The following ST8SIA4 variants were observed in gnomAD, a reference collection of about 807,000 sequenced individuals.
ST8SIA4 encodes CMP-N-acetylneuraminate-poly-alpha-2,8-sialyltransferase.
A neutral mutation model predicts 33.9 loss-of-function variants in ST8SIA4; 15 were observed. The observed-to-expected ratio is 0.44, with a 90% confidence interval of 0.30 to 0.68. ST8SIA4 has a LOEUF of 0.68. ST8SIA4 is among the 30% of genes least tolerant of loss of function. The probability of loss-of-function intolerance (pLI) is 0.10; values close to 1 mark genes in which losing one functional copy is unlikely to be tolerated. For missense variants in ST8SIA4, 321 were observed against 428.0 expected (o/e 0.75, Z 2.21); for synonymous variants, 171 against 151.2 (o/e 1.13, Z -0.96).
At chr5:100,895,959 A>C (rs1752771181) in intron 1 of ST8SIA4, among the ~76,000 whole-genome samples, 174 bp from the exon 2 acceptor site, 1 of 152,088 alleles carries the variant, frequency 6.6e-6, no homozygotes, top group Non-Finnish European at 1.5e-5. Context: ...AGTGAATATG[A>C]CTATCAGGAC....
chr5:100,853,985 A>ATGTGTGTGTG (rs55821438), intron 4 of ST8SIA4, among the ~76,000 whole-genome samples: 1,401 of 76,956 alleles, frequency 0.018, 9 homozygotes, highest in Non-Finnish European at 0.025. Context: ...GTGTGTGTGT[A>ATGTGTGTGTG]TGTGTGTGTG....
At chr5:100,831,681 T>A (rs763319915) in intron 4 of ST8SIA4, among the ~76,000 whole-genome samples, 1 of 152,194 alleles carries the variant, frequency 6.6e-6, no homozygotes, top group Non-Finnish European at 1.5e-5. Flanking sequence ...TTTTCTTTCA[T>A]TCTCCACTAT....
chr5:100,849,353 C>T (rs1363776993), intron 4 of ST8SIA4: 9 of 985,236 alleles, frequency 9.1e-6, no homozygotes, highest in Non-Finnish European at 1.1e-5. Context: ...TTTTCGTCTT[C>T]CTTGGAAATC....
intron 3 of ST8SIA4, chr5:100,885,580 T>C: frequency 1.1e-6 from 1 of 930,742 alleles, no homozygotes; most frequent in Middle Eastern, 5.6e-4. Flanking sequence ...ATATCCATGT[T>C]TCTGTCATTT....
intron 4 of ST8SIA4, among the ~76,000 whole-genome samples, chr5:100,848,230 AT>A (rs1290040201): frequency 6.6e-6 from 1 of 151,826 alleles, no homozygotes; most frequent in Non-Finnish European, 1.5e-5. Flanking sequence ...CCACAGTTGA[AT>A]AAGATTCAGT....
chr5:100,874,514 CCT>C (rs1752263958), intron 3 of ST8SIA4, among the ~76,000 whole-genome samples: 1 of 151,620 alleles, frequency 6.6e-6, no homozygotes. Context: ...TGTGCCTTTT[CCT>C]CTCTCTCCCT....
intron 4 of ST8SIA4, among the ~76,000 whole-genome samples, chr5:100,855,388 A>G (rs1751792361): frequency 6.6e-6 from 1 of 152,178 alleles, no homozygotes. Context: ...TTTTAAAGGT[A>G]GTGATCAGCT....
At chr5:100,894,221 G>C (rs979936774) in intron 2 of ST8SIA4, among the ~76,000 whole-genome samples, 2 of 152,110 alleles carry the variant, frequency 1.3e-5, no homozygotes, top group African/African-American at 4.8e-5. Context: ...TACAGATTCA[G>C]AGTTGTCAAA....
intron 2 of ST8SIA4, among the ~76,000 whole-genome samples, chr5:100,894,522 C>G (rs1042621016): frequency 4.6e-5 from 7 of 152,044 alleles, no homozygotes; most frequent in African/African-American, 1.7e-4. Context: ...CCTTCCCAGT[C>G]AATTTCAAAC....
In ST8SIA4 at chr5:100,846,430, T is replaced by C. The variant is rs563582541; in HGVS notation, c.797+9673A>G. On this transcript the variant is annotated intron_variant, in intron 4 of 4. Transcript: ENST00000231461. ...TTAGTTATAGAGATGAATAAGTCAA[T>C]CTTTGCTATGAAAAAATTTAAAATA... 5.3e-5 allele frequency among the ~76,000 whole-genome samples: 8 copies of C among 152,034 alleles called. 1 individual carries two copies. Among genetic ancestry groups the C allele is most frequent in the African/African-American group, 1.9e-4 (8 of 41,538 alleles).
chr5:100,883,414 G>T (rs1752470779), intron 3 of ST8SIA4, among the ~76,000 whole-genome samples: 2 of 152,174 alleles, frequency 1.3e-5, no homozygotes, highest in Non-Finnish European at 2.9e-5. Flanking sequence ...TGATTTTACA[G>T]GCTCATAGGC....
chr5:100,845,845 C>A (rs971347209), intron 4 of ST8SIA4, among the ~76,000 whole-genome samples: 6 of 151,806 alleles, frequency 4.0e-5, no homozygotes, highest in Non-Finnish European at 7.4e-5. Context: ...AGATAACACC[C>A]AAGAGAAAAC....
chr5:100,890,711 T>C (rs750828725), intron 2 of ST8SIA4: 1 of 151,934 alleles, frequency 6.6e-6, no homozygotes, highest in Non-Finnish European at 1.5e-5. Context: ...GTGATCCTAA[T>C]TCAACTTTTG....
chr5:100,814,817 G>A (rs925180837), intron 4 of ST8SIA4, among the ~76,000 whole-genome samples: 2 of 151,874 alleles, frequency 1.3e-5, no homozygotes, highest in African/African-American at 4.8e-5. Flanking sequence ...TTTTAATTCT[G>A]TCAGCATAAT....
intron 3 of ST8SIA4, among the ~76,000 whole-genome samples, chr5:100,856,712 G>A (rs1751821227): frequency 6.6e-6 from 1 of 152,176 alleles, no homozygotes; most frequent in African/African-American, 2.4e-5. Flanking sequence ...GAGAATTTAT[G>A]ATGGTAAATT....
At chr5:100,891,764 A>G (rs542496196) in intron 2 of ST8SIA4, among the ~76,000 whole-genome samples, 1 of 152,200 alleles carries the variant, frequency 6.6e-6, no homozygotes, top group Non-Finnish European at 1.5e-5. Flanking sequence ...TATTCTTAAC[A>G]AAATTATTTT....
intron 4 of ST8SIA4, among the ~76,000 whole-genome samples, chr5:100,812,698 A>G (rs1171896633): frequency 1.3e-5 from 2 of 152,162 alleles, no homozygotes; most frequent in African/African-American, 4.8e-5. Context: ...ACAACAATAA[A>G]AAAAAGTTGT....
chr5:100,845,443 C>T (rs1423884797), intron 4 of ST8SIA4, among the ~76,000 whole-genome samples: 2 of 151,526 alleles, frequency 1.3e-5, no homozygotes, highest in Non-Finnish European at 3.0e-5. Context: ...AATGCGTAAT[C>T]GACCAGTCAT....
intron 3 of ST8SIA4, among the ~76,000 whole-genome samples, chr5:100,864,717 G>C (rs904333836): frequency 1.9e-4 from 29 of 151,818 alleles, no homozygotes; most frequent in African/African-American, 5.3e-4. Flanking sequence ...GTAGGTGTCC[G>C]GTAATCATTT....
Sources: gnomAD v4.1 joint callset for allele counts (sites outside exome capture counted in the v4.1 genomes callset) on GRCh38, gnomAD v4.1.1 for gene constraint, MANE v1.5 for transcripts, NCBI Gene and HGNC (gene_info 2026-07-23, HGNC 2026-07-21) for gene names.